Variants in PDE9A observed in about 807,000 individuals in gnomAD.
The protein encoded by PDE9A is high affinity cGMP-specific 3',5'-cyclic phosphodiesterase 9A.
A neutral mutation model predicts 87.4 loss-of-function variants in PDE9A; 60 were observed. That is an observed-to-expected ratio of 0.69 (90% CI 0.56 to 0.85). The LOEUF (loss-of-function observed/expected upper bound fraction) is 0.85, where lower values mean the gene tolerates loss of function less well. PDE9A is among the 40% of genes least tolerant of loss of function. The pLI, the probability that PDE9A is intolerant of heterozygous loss-of-function variation, is 0.00. For missense variants in PDE9A, 665 were observed against 779.0 expected (o/e 0.85, Z 1.74); for synonymous variants, 272 against 279.4 (o/e 0.97, Z 0.27).
At chr21:42,753,248 C>T (rs372492367) in intron 9 of PDE9A, among the ~76,000 whole-genome samples, 3 of 152,074 alleles carry the variant, frequency 2.0e-5, no homozygotes, top group Non-Finnish European at 2.9e-5. Context: ...TCAGGTGATC[C>T]GCTCGCCTCG....
At chr21:42,698,475 T>C (rs2060259867) in intron 3 of PDE9A, among the ~76,000 whole-genome samples, 1 of 152,116 alleles carries the variant, frequency 6.6e-6, no homozygotes, top group African/African-American at 2.4e-5. Context: ...TCTCTCCCCA[T>C]CACGCTGGGC....
At position 42,702,364 on chromosome 21, in the gene PDE9A, A is replaced by G. The variant is rs2048449309; in HGVS notation, c.262+3353A>G. Among the ~76,000 whole-genome samples the G allele has an allele frequency of 2.6e-5, 4 of 151,774 alleles. No individual in the cohort carries two copies. The South Asian group carries it at 8.3e-4, about 32-fold the overall frequency. On this transcript the variant is annotated intron_variant, in intron 4 of 19. Coordinates refer to ENST00000291539, the MANE Select transcript of PDE9A (RefSeq NM_002606.3). The surrounding 1 kb of genome is among the most constrained non-coding windows in gnomAD (Gnocchi z 4.9). ...TTACATCTCCCATTTATGCCTCATT[A>G]TGTTTATATTTCCTGTAAATGCTTA...
At chr21:42,684,715 G>T (rs8134359) in intron 1 of PDE9A, among the ~76,000 whole-genome samples, 60,403 of 152,068 alleles carry the variant, frequency 0.4, 13,808 homozygotes, top group African/African-American at 0.64. Flanking sequence ...CGTGCGAGCA[G>T]GGCCAGGACC....
chr21:42,774,008 G>A (rs2057298464), intron 19 of PDE9A, among the ~76,000 whole-genome samples: 1 of 152,022 alleles, frequency 6.6e-6, no homozygotes, highest in South Asian at 2.1e-4. Flanking sequence ...GGGAGGCTGA[G>A]GCGGAGCTTG....
chr21:42,759,041 G>A lies in PDE9A; in HGVS notation c.853G>A (p.Val285Ile), dbSNP rs1475090835. 1.2e-6 allele frequency: 2 copies of A among 1,614,172 alleles called. No individual in the cohort carries two copies. The highest frequency in any genetic ancestry group is 1.7e-6 in the Non-Finnish European group (2 of 1,180,006). The change falls in exon 11 of 20, where the codon GTC (valine) becomes ATC (isoleucine). Residue 285 changes from valine to isoleucine, a missense_variant. Coordinates refer to ENST00000291539, the MANE Select transcript of PDE9A (RefSeq NM_002606.3). This position sits in a 1 kb window ranked among gnomAD's most constrained non-coding sequence, Gnocchi z 7.2. Reference sequence around the variant, plus strand: ...GCACATGTACCACGACCTCGGGCTGGTCAGGGACTTCAGCATCAACCCTGT... The same window carrying A: ...GCACATGTACCACGACCTCGGGCTGATCAGGGACTTCAGCATCAACCCTGT... ...LEHMYHDLGL[V>I]RDFSINPVTL...
chr21:42,680,044 C>T (rs1230481168), intron 1 of PDE9A, among the ~76,000 whole-genome samples: 1 of 152,200 alleles, frequency 6.6e-6, no homozygotes, highest in Admixed American at 6.5e-5. Flanking sequence ...ACCTGGGGTG[C>T]CAGGAGCCTG....
At position 42,659,834 on chromosome 21, in the gene PDE9A, T is replaced by C. The variant is rs2057351865; in HGVS notation, c.69+5951T>C. 6.6e-6 allele frequency among the ~76,000 whole-genome samples: 1 copy of C among 152,086 alleles called. No homozygotes were observed. The highest frequency in any genetic ancestry group is 1.5e-5 in the Non-Finnish European group (1 of 68,000). The stretch of plus-strand genomic sequence containing the variant: ...TGGAGGGGCTGTCTGGCCTCAGAAA[T>C]GGGCAAAAGACAGCTCTCGTTGTCA... On this transcript the variant is annotated intron_variant, in intron 1 of 19. Coordinates refer to ENST00000291539, the MANE Select transcript of PDE9A (RefSeq NM_002606.3). The surrounding 1 kb of genome is among the most constrained non-coding windows in gnomAD (Gnocchi z 4.1).
intron 1 of PDE9A, among the ~76,000 whole-genome samples, chr21:42,670,125 A>T (rs981753398): frequency 6.6e-6 from 1 of 151,880 alleles, no homozygotes; most frequent in African/African-American, 2.4e-5. Context: ...ACACATTCAC[A>T]GGCTCACACA....
intron 4 of PDE9A, among the ~76,000 whole-genome samples, chr21:42,701,685 C>T (rs1020822064): frequency 2.6e-5 from 4 of 152,074 alleles, no homozygotes; most frequent in African/African-American, 7.2e-5. Flanking sequence ...AATCCTCCCT[C>T]CCTGAGATTA....
Position 42,762,267 on chromosome 21 carries a change from G to C in PDE9A, c.1242+28G>C, listed in dbSNP as rs9984276. On this transcript the variant is annotated intron_variant, in intron 14 of 19. Transcript: ENST00000291539. ...GTGTGGGGTGAGGGCCCTCCCACCG[G>C]AGTGGGGGCACATTCAGGGACAGAG... is the stretch of plus-strand genomic sequence containing the variant. 5,416 of 1,607,862 alleles carry C rather than the reference G, an allele frequency of 3.4e-3. 177 individuals are homozygous for C. The African/African-American group carries it at 0.064, about 19-fold the overall frequency.
chr21:42,702,944 C>A lies in PDE9A; in HGVS notation c.262+3933C>A, dbSNP rs376851732. Among the ~76,000 whole-genome samples, 3 of 152,194 alleles carry A rather than the reference C, an allele frequency of 2.0e-5. No homozygotes were observed. The highest frequency in any genetic ancestry group is 4.8e-5 in the African/African-American group (2 of 41,492). On this transcript the variant is annotated intron_variant, in intron 4 of 19. Transcript: ENST00000291539. This position sits in a 1 kb window ranked among gnomAD's most constrained non-coding sequence, Gnocchi z 4.9. ...TTTGTGTTTTAAATCTTGCTCAGGG[C>A]GCTGGGTCGAGATCACGAAAGGGAA... is the stretch of plus-strand genomic sequence containing the variant.
chr21:42,769,279 A>G lies in PDE9A; in HGVS notation c.1590+124A>G, dbSNP rs1003149342. 1.5e-5 allele frequency: 12 copies of G among 802,244 alleles called. No homozygotes were observed. The African/African-American group carries it at 2.1e-4, about 14-fold the overall frequency. 49.7% of individuals were successfully genotyped at this position (802,244 alleles called of 1,614,324 possible). On this transcript the variant is annotated intron_variant, in intron 17 of 19. Transcript: ENST00000291539. The stretch of plus-strand genomic sequence containing the variant: ...CAGACACACACTCATGCACACACGT[A>G]CACAGATACACACAGACGCACATAC...
At chr21:42,728,174 T>A (rs556243253) in intron 4 of PDE9A, among the ~76,000 whole-genome samples, 5 of 152,340 alleles carry the variant, frequency 3.3e-5, no homozygotes, top group African/African-American at 1.2e-4. Context: ...CTAGAGATGA[T>A]GTAGCGTGTA....
At chr21:42,685,059 C>G (rs1160597899) in intron 1 of PDE9A, among the ~76,000 whole-genome samples, 1 of 152,128 alleles carries the variant, frequency 6.6e-6, no homozygotes, top group Non-Finnish European at 1.5e-5. Context: ...ACACCGGGGA[C>G]TTGTGCTGGA....
Position 42,773,850 on chromosome 21 carries a change from G to A in PDE9A, c.1768+1330G>A, listed in dbSNP as rs191602180. 8.7e-3 allele frequency among the ~76,000 whole-genome samples: 1,276 copies of A among 146,660 alleles called. 9 individuals are homozygous for A. The highest frequency in any genetic ancestry group is 0.021 in the East Asian group (101 of 4,798). Reference sequence around the variant, plus strand: ...CCGGGCGCAGTGGCTCATGCCTGTAGTCCCAGCACTTTGGGAGGCCAAGGT... The same window carrying A: ...CCGGGCGCAGTGGCTCATGCCTGTAATCCCAGCACTTTGGGAGGCCAAGGT... On this transcript the variant is annotated intron_variant, in intron 19 of 19. Transcript: ENST00000291539.
In PDE9A at chr21:42,689,695, A is replaced by G. The variant is rs1004714275; in HGVS notation, c.218+1701A>G. On this transcript the variant is annotated intron_variant, in intron 3 of 19. Coordinates refer to ENST00000291539, the MANE Select transcript of PDE9A (RefSeq NM_002606.3). The stretch of plus-strand genomic sequence containing the variant: ...CTCTGGCCCCAGGTGCCTTATTAAC[A>G]AGAGACAGTATCAGACACACCAGAC... 48 of 985,438 alleles carry G rather than the reference A, an allele frequency of 4.9e-5. No homozygotes were observed. The African/African-American group carries it at 8.0e-4, about 16-fold the overall frequency. The allele number at this position is 985,438 out of a possible 1,614,324, so 61.0% of individuals were successfully genotyped here. A position where few individuals can be genotyped will look rare whatever the true frequency, so the allele number is the denominator to read the frequency against.
At chr21:42,725,322 C>A (rs1230378444) in intron 4 of PDE9A, among the ~76,000 whole-genome samples, 1 of 152,304 alleles carries the variant, frequency 6.6e-6, no homozygotes, top group Non-Finnish European at 1.5e-5. Context: ...ACCCCACAAC[C>A]TCCGCCTCCA....
rs56151302 is a variant in PDE9A at position 42,740,443 on chromosome 21, C to CA, written c.569-3320dup. Among the ~76,000 whole-genome samples, 399 of 114,076 alleles carry CA rather than the reference C, an allele frequency of 3.5e-3. 1 individual carries two copies. The highest frequency in any genetic ancestry group is 0.021 in the Middle Eastern group (5 of 234). 74.8% of individuals were successfully genotyped at this position (114,076 alleles called of 152,430 possible). The stretch of plus-strand genomic sequence containing the variant: ...TGGGTGACAGGGCAAGCCCCTGTCT[C>CA]AAAAAAAAAAAAAGAAAAGAAAAGA... On this transcript the variant is annotated intron_variant, in intron 7 of 19. Transcript: ENST00000291539.
chr21:42,703,634 G>A (rs1025485686), intron 4 of PDE9A, among the ~76,000 whole-genome samples: 2 of 152,314 alleles, frequency 1.3e-5, no homozygotes, highest in Middle Eastern at 3.4e-3. Context: ...TGGGCTCATT[G>A]AGGGAAAGAG....
Sources: gnomAD v4.1 joint callset for allele counts (sites outside exome capture counted in the v4.1 genomes callset) on GRCh38, gnomAD v4.1.1 for gene constraint, Gnocchi (gnomAD v3.1) non-coding constraint, MANE v1.5 for transcripts, NCBI Gene and HGNC (gene_info 2026-07-23, HGNC 2026-07-21) for gene names.